PLAGL1: variants seen among roughly 807,000 people sequenced by gnomAD.
The protein encoded by PLAGL1 is PLAG1 like zinc finger 1.
Under a neutral mutation model 4.6 loss-of-function variants are expected in PLAGL1, and 1 was observed. The observed-to-expected ratio is 0.22, with a 90% CI of 0.08 to 1.03. The LOEUF is 1.03. PLAGL1 is among the 50% of genes least tolerant of loss of function. PLAGL1 has a pLI of 0.58. For synonymous variants in PLAGL1, 240 were observed against 237.8 expected (o/e 1.01, Z -0.08); for missense variants, 464 against 570.4 (o/e 0.81, Z 1.90).
At position 143,947,960 on chromosome 6, in the gene PLAGL1, G is replaced by T. The variant is rs1780145810; in HGVS notation, c.152+25C>A. 8 of 1,604,744 alleles carry T rather than the reference G, an allele frequency of 5.0e-6. No homozygotes were observed. Among genetic ancestry groups the T allele is most frequent in the Non-Finnish European group, 6.8e-6 (8 of 1,172,000 alleles). ...GCCATTTAAACGTACTTCTAAAAGT[G>T]CATACCTTTGCCAAAGCCTCTCACC... On this transcript the variant is annotated intron_variant, in intron 7 of 7. Coordinates refer to ENST00000674357, the MANE Select transcript of PLAGL1 (RefSeq NM_001317162.2). The surrounding 1 kb of genome is among the most constrained non-coding windows in gnomAD (Gnocchi z 4.3).
At chr6:144,017,597 G>T (rs538676041) in intron 1 of PLAGL1, among the ~76,000 whole-genome samples, 3 of 152,192 alleles carry the variant, frequency 2.0e-5, no homozygotes, top group Admixed American at 6.5e-5. Flanking sequence ...GCACCTGGGT[G>T]GTTAAATGCC....
At chr6:144,049,764 T>C (rs1798447199) in intron 1 of PLAGL1, among the ~76,000 whole-genome samples, 1 of 152,254 alleles carries the variant, frequency 6.6e-6, no homozygotes, top group Admixed American at 6.5e-5. Flanking sequence ...AGCCTAATTA[T>C]GTCACTCTAT....
At chr6:143,996,516 ATAAAGGT>A (rs1791642616) in intron 1 of PLAGL1, among the ~76,000 whole-genome samples, 3 of 152,154 alleles carry the variant, frequency 2.0e-5, no homozygotes, top group Admixed American at 1.3e-4. Flanking sequence ...TCCCTTGAAG[ATAAAGGT>A]TGTCACGTTA....
chr6:144,019,084 G>A (rs1264254050), intron 1 of PLAGL1, among the ~76,000 whole-genome samples: 1 of 152,024 alleles, frequency 6.6e-6, no homozygotes, highest in Non-Finnish European at 1.5e-5. Context: ...AAACATCAAT[G>A]TTATAAAGAC....
At chr6:144,029,561 C>G (rs976425294) in intron 1 of PLAGL1, among the ~76,000 whole-genome samples, 3 of 152,216 alleles carry the variant, frequency 2.0e-5, no homozygotes, top group Non-Finnish European at 4.4e-5. Context: ...TACTCCTCAT[C>G]ATAAGAGAAA....
At position 143,989,193 on chromosome 6, in the gene PLAGL1, C is replaced by A. The variant is rs1333020282; in HGVS notation, c.-583-4019G>T. ...TGCCCCAGGGGACATTAAAAACGCACAGAAACAATAGAGTGGAAAGGCTAC... is the reference window on the plus strand; with the variant it reads ...TGCCCCAGGGGACATTAAAAACGCAAAGAAACAATAGAGTGGAAAGGCTAC... On this transcript the variant is annotated intron_variant, in intron 1 of 7. Coordinates refer to ENST00000674357, the MANE Select transcript of PLAGL1 (RefSeq NM_001317162.2). The surrounding 1 kb of genome is among the most constrained non-coding windows in gnomAD (Gnocchi z 4.8). Among the ~76,000 whole-genome samples the A allele has an allele frequency of 6.6e-6, 1 of 152,110 alleles. No homozygotes were observed. Among genetic ancestry groups the A allele is most frequent in the African/African-American group, 2.4e-5 (1 of 41,404 alleles).
chr6:143,968,040 GTT>G lies in PLAGL1; in HGVS notation c.-472+865_-472+866del, dbSNP rs1221059259. Reference sequence around the variant, plus strand: ...AAAACAGTCTGGAGAGAGGCCAAGAGTTATGGTTAAGCAACAGCACTGCAGCT... The same window carrying G: ...AAAACAGTCTGGAGAGAGGCCAAGAGATGGTTAAGCAACAGCACTGCAGCT... On this transcript the variant is annotated intron_variant, in intron 3 of 7. Transcript: ENST00000674357. The surrounding 1 kb of genome is among the most constrained non-coding windows in gnomAD (Gnocchi z 6.3). The G allele has an allele frequency of 7.0e-6, 1 of 143,356 alleles. No individual in the cohort carries two copies. Among genetic ancestry groups the G allele is most frequent in the Non-Finnish European group, 1.5e-5 (1 of 66,270 alleles). The allele number at this position is 143,356 out of a possible 1,614,324, so 8.9% of individuals were successfully genotyped here. A position where few individuals can be genotyped will look rare whatever the true frequency, so the allele number is the denominator to read the frequency against.
rs1263928332 is a variant in PLAGL1 at position 144,027,234 on chromosome 6, C to CGAACAAAA, written c.-151+37233_-151+37234insTTTTGTTC. The stretch of plus-strand genomic sequence containing the variant: ...GAAAGACCCCAACTCAAAGAACGAA[C>CGAACAAAA]GAAAGAAAGAAAGAAAGAAAGAAAG... On this transcript the variant is annotated intron_variant, in intron 1 of 3. Coordinates refer to the PLAGL1 transcript ENST00000437412. This position sits in a 1 kb window ranked among gnomAD's most constrained non-coding sequence, Gnocchi z 5.8. 3.9e-4 allele frequency among the ~76,000 whole-genome samples: 44 copies of CGAACAAAA among 111,632 alleles called. No individual in the cohort carries two copies. The highest frequency in any genetic ancestry group is 1.5e-3 in the African/African-American group (40 of 26,616). 73.2% of individuals were successfully genotyped at this position (111,632 alleles called of 152,430 possible).
rs1419351845 is a variant in PLAGL1, at chr6:143,958,375, G to A, written c.-325+2094C>T. On this transcript the variant is annotated intron_variant, in intron 6 of 7. Coordinates refer to ENST00000674357, the MANE Select transcript of PLAGL1 (RefSeq NM_001317162.2). This position sits in a 1 kb window ranked among gnomAD's most constrained non-coding sequence, Gnocchi z 5.1. ...ACCCTAGACACAAATTTGATGGGCAGTTTTAAAGTAACGTGCAGTAACTTT... is the reference window on the plus strand; with the variant it reads ...ACCCTAGACACAAATTTGATGGGCAATTTTAAAGTAACGTGCAGTAACTTT... 1.3e-5 allele frequency among the ~76,000 whole-genome samples: 2 copies of A among 152,228 alleles called. No individual in the cohort carries two copies. The highest frequency in any genetic ancestry group is 3.8e-4 in the East Asian group (2 of 5,198).
At position 143,952,458 on chromosome 6, in the gene PLAGL1, A is replaced by T. The variant is rs1781267715; in HGVS notation, c.-324-3998T>A. ...CAGGACATAATTTTCAGTCCCCTTG[A>T]TTCTAAAAATACTGAGTGATACAGA... On this transcript the variant is annotated intron_variant, in intron 6 of 7. Transcript: ENST00000674357. This position sits in a 1 kb window ranked among gnomAD's most constrained non-coding sequence, Gnocchi z 6.1. 1.1e-5 allele frequency among the ~76,000 whole-genome samples: 1 copy of T among 88,962 alleles called. No homozygotes were observed. Among genetic ancestry groups the T allele is most frequent in the Non-Finnish European group, 2.0e-5 (1 of 50,894 alleles). 58.4% of individuals were successfully genotyped at this position (88,962 alleles called of 152,430 possible). A position where few individuals can be genotyped will look rare whatever the true frequency, so the allele number is the denominator to read the frequency against.
intron 1 of PLAGL1, among the ~76,000 whole-genome samples, chr6:143,991,046 A>G (rs925172280): frequency 6.6e-5 from 10 of 152,204 alleles, no homozygotes; most frequent in Non-Finnish European, 1.3e-4. Flanking sequence ...GATAATAAGC[A>G]TTTCATTGTT....
Position 143,950,845 on chromosome 6 carries a change from A to C in PLAGL1, c.-324-2385T>G, listed in dbSNP as rs914708400. Among the ~76,000 whole-genome samples, 1 of 152,248 alleles carries C rather than the reference A, an allele frequency of 6.6e-6. No individual in the cohort carries two copies. The highest frequency in any genetic ancestry group is 2.4e-5 in the African/African-American group (1 of 41,462). On this transcript the variant is annotated intron_variant, in intron 6 of 7. Coordinates refer to ENST00000674357, the MANE Select transcript of PLAGL1 (RefSeq NM_001317162.2). This position sits in a 1 kb window ranked among gnomAD's most constrained non-coding sequence, Gnocchi z 6.3. ...GTTACAGATGTGATGGCTACTGAGC[A>C]CTCAAAATGTGCCTCTGAGAAACTG...
chr6:144,003,442 G>A (rs904139258), intron 1 of PLAGL1, among the ~76,000 whole-genome samples: 1 of 152,120 alleles, frequency 6.6e-6, no homozygotes, highest in Non-Finnish European at 1.5e-5. Flanking sequence ...GGCCAACGCG[G>A]TGAAACCCCG....
chr6:144,044,333 C>T (rs1797965167), intron 1 of PLAGL1, among the ~76,000 whole-genome samples: 2 of 152,240 alleles, frequency 1.3e-5, no homozygotes, highest in African/African-American at 4.8e-5. Flanking sequence ...AAATTTCCCT[C>T]TACACACTGC....
At position 143,978,206 on chromosome 6, in the gene PLAGL1, T is replaced by C. The variant is rs1348156714; in HGVS notation, c.-544+6929A>G. ...CCGCTCTAATTTTCAGTATTTACTT[T>C]CTTCTGCTCACTGCAGGTTTAATTT... is the stretch of plus-strand genomic sequence containing the variant. On this transcript the variant is annotated intron_variant, in intron 2 of 7. Coordinates refer to ENST00000674357, the MANE Select transcript of PLAGL1 (RefSeq NM_001317162.2). This position sits in a 1 kb window ranked among gnomAD's most constrained non-coding sequence, Gnocchi z 4.6. Among the ~76,000 whole-genome samples, 1 of 152,192 alleles carries C rather than the reference T, an allele frequency of 6.6e-6. No individual in the cohort carries two copies. Among genetic ancestry groups the C allele is most frequent in the East Asian group, 1.9e-4 (1 of 5,204 alleles).
rs1778624461 is a variant in PLAGL1 at position 143,941,688 on chromosome 6, G to A, written c.1128C>T (p.Ala376=). 7.4e-6 allele frequency: 12 copies of A among 1,614,242 alleles called. No individual in the cohort carries two copies. In the East Asian group the frequency reaches 2.5e-4, roughly 33 times the overall value. The change falls in exon 8 of 8, where the codon GCC becomes GCT. Residue 376 remains alanine, a synonymous_variant. Transcript: ENST00000674357. The surrounding 1 kb of genome is among the most constrained non-coding windows in gnomAD (Gnocchi z 6.0). ...CCAACAGGGGGGACAGGTCCAGAGA[G>A]GCAGGTATTGTTAGGTTCACAGCAT... ...PADAVNLTIP[A]SLDLSPLLGF...
chr6:144,046,904 C>T (rs558394183), intron 1 of PLAGL1, among the ~76,000 whole-genome samples: 36 of 152,284 alleles, frequency 2.4e-4, no homozygotes, highest in Admixed American at 6.5e-4. Flanking sequence ...TCAGCAATAG[C>T]GGACACCCCT....
chr6:144,009,349 G>A (rs945567171), upstream of PLAGL1, among the ~76,000 whole-genome samples: 2 of 152,018 alleles, frequency 1.3e-5, no homozygotes, highest in Non-Finnish European at 2.9e-5. Flanking sequence ...AGTTCTTGAT[G>A]GACTTCCTTC....
intron 1 of PLAGL1, among the ~76,000 whole-genome samples, chr6:144,045,968 T>G (rs1289885064): frequency 6.6e-6 from 1 of 152,234 alleles, no homozygotes; most frequent in Non-Finnish European, 1.5e-5. Flanking sequence ...TTCCACTTGA[T>G]TGAATTGGCT....
Sources: gnomAD v4.1 joint callset for allele counts (sites outside exome capture counted in the v4.1 genomes callset) on GRCh38, gnomAD v4.1.1 for gene constraint, Gnocchi (gnomAD v3.1) non-coding constraint, MANE v1.5 for transcripts, NCBI Gene and HGNC (gene_info 2026-07-23, HGNC 2026-07-21) for gene names.